The following USH2A variants were observed in gnomAD, a reference collection of about 807,000 sequenced individuals.
USH2A encodes the protein usherin.
A neutral mutation model predicts 538.9 loss-of-function variants in USH2A; 443 were observed. That is an observed-to-expected ratio of 0.82 (90% CI 0.76 to 0.89). The LOEUF is 0.89. Among genes scored for constraint, USH2A ranks in the 40% least tolerant of loss-of-function variants. The pLI is 0.00. For missense variants in USH2A, 6,633 were observed against 6,324.8 expected, an observed-to-expected ratio of 1.05 and a Z score of -1.65; for synonymous variants, 2,413 against 2,273.5, an observed-to-expected ratio of 1.06 and a Z score of -1.75.
intron 3 of USH2A, among the ~76,000 whole-genome samples, chr1:216,414,291 T>C (rs2039541152): frequency 6.6e-6 from 1 of 152,092 alleles, no homozygotes. Context: ...TTGGCAATCC[T>C]GTCAGATTCA....
intron 32 of USH2A, among the ~76,000 whole-genome samples, chr1:216,041,898 C>T (rs1571910934): frequency 6.6e-6 from 1 of 151,708 alleles, no homozygotes; most frequent in South Asian, 2.1e-4. Context: ...TCACTGCTGA[C>T]AACTTTCCTG....
chr1:215,683,216 TACACACAC>T (rs71167830), intron 61 of USH2A, among the ~76,000 whole-genome samples: 49 of 149,578 alleles, frequency 3.3e-4, no homozygotes, highest in African/African-American at 6.7e-4. Flanking sequence ...AATAGTTTTA[TACACACAC>T]ACACACACAC....
chr1:215,776,635 C>G (rs536210750), intron 55 of USH2A, among the ~76,000 whole-genome samples: 1 of 152,210 alleles, frequency 6.6e-6, no homozygotes, highest in Admixed American at 6.5e-5. Context: ...GAATGCCAAG[C>G]TTTTGGAAAT....
At position 216,293,268 on chromosome 1, in the gene USH2A, C is replaced by A. The variant is rs371003244; in HGVS notation, c.1645-898G>T. On this transcript the variant is annotated intron_variant, in intron 9 of 71. Transcript: ENST00000307340. Reference sequence around the variant, plus strand: ...CTCGATCTCCTGACCTCGTGTTCTGCCCACCTCGGCCGCCCAAAGTGCTGG... The same window carrying A: ...CTCGATCTCCTGACCTCGTGTTCTGACCACCTCGGCCGCCCAAAGTGCTGG... 7.9e-5 allele frequency among the ~76,000 whole-genome samples: 12 copies of A among 152,320 alleles called. 1 individual carries two copies. Among genetic ancestry groups the A allele is most frequent in the Admixed American group, 3.3e-4 (5 of 15,300 alleles).
chr1:215,761,633 A>C (rs1660984342), intron 56 of USH2A, among the ~76,000 whole-genome samples: 2 of 152,220 alleles, frequency 1.3e-5, no homozygotes, highest in Non-Finnish European at 2.9e-5. Context: ...AGGCAGTTCT[A>C]GGGAATGCAA....
At position 215,674,518 on chromosome 1, in the gene USH2A, T is replaced by G; in HGVS notation, c.13393A>C (p.Lys4465Gln). Reference sequence around the variant, plus strand: ...TGGCCATTTGGGTTTCTTGGAGGTTTCCAGGTGATTTCTATTGATTCTGAG... The same window carrying G: ...TGGCCATTTGGGTTTCTTGGAGGTTGCCAGGTGATTTCTATTGATTCTGAG... ...TGSESIEITWKPPRNPNGQIR... is the reference protein window; with the variant it reads ...TGSESIEITWQPPRNPNGQIR... Residue 4465 changes from lysine (K) to glutamine (Q), a missense_variant, in exon 63 of 72, where the codon AAA (lysine) becomes CAA (glutamine). Lys to Gln is a moderately conservative substitution (Grantham distance 53). Coordinates refer to ENST00000307340, the MANE Select transcript of USH2A (RefSeq NM_206933.4). 1 of 1,614,178 alleles carries G rather than the reference T, an allele frequency of 6.2e-7. No homozygotes were observed. Among genetic ancestry groups the G allele is most frequent in the Non-Finnish European group, 8.5e-7 (1 of 1,180,028 alleles).
rs554364595 is a variant in USH2A at position 216,021,472 on chromosome 1, C to T, written c.6326-20910G>A. Among the ~76,000 whole-genome samples the T allele has an allele frequency of 1.4e-4, 21 of 152,280 alleles. 1 individual carries two copies. In the South Asian group the frequency reaches 4.4e-3, roughly 32 times the overall value. On this transcript the variant is annotated intron_variant, in intron 32 of 71. Transcript: ENST00000307340. The stretch of plus-strand genomic sequence containing the variant: ...ATGAGGCCTCCACAGCCATGTGGAA[C>T]AGTGAGTCAATTAAACCTCCTTTTT...
At chr1:216,230,437 G>T (rs1475026759) in intron 14 of USH2A, among the ~76,000 whole-genome samples, 2 of 152,000 alleles carry the variant, frequency 1.3e-5, no homozygotes, top group African/African-American at 4.8e-5. Flanking sequence ...ACATTTCTAC[G>T]GTGATAGAAG....
intron 21 of USH2A, among the ~76,000 whole-genome samples, chr1:216,124,500 A>G (rs1180709117): frequency 2.6e-5 from 4 of 152,032 alleles, no homozygotes; most frequent in Non-Finnish European, 5.9e-5. Context: ...GCGGAGGGAA[A>G]CCCCTCCAGA....
At chr1:215,640,844 CAAAAAAAAA>C (rs56212994) in intron 67 of USH2A, 110 bp from the exon 68 acceptor site, 3 of 496,796 alleles carry the variant, frequency 6.0e-6, no homozygotes, top group Non-Finnish European at 9.4e-6. Flanking sequence ...CCAATCCAAA[CAAAAAAAAA>C]AAAAAAAAAG....
chr1:215,865,778 G>T (rs1664453290), intron 44 of USH2A, among the ~76,000 whole-genome samples: 1 of 152,186 alleles, frequency 6.6e-6, no homozygotes, highest in Admixed American at 6.5e-5. Context: ...CTTTTGTAAA[G>T]ATGGATTATT....
At chr1:216,368,839 C>T (rs1034817296) in intron 3 of USH2A, among the ~76,000 whole-genome samples, 1 of 152,140 alleles carries the variant, frequency 6.6e-6, no homozygotes, top group African/African-American at 2.4e-5. Context: ...GTGTGACTTG[C>T]TTTCCCAGAA....
chr1:215,762,457 A>G (rs1189052051), intron 56 of USH2A, among the ~76,000 whole-genome samples: 1 of 152,180 alleles, frequency 6.6e-6, no homozygotes, highest in African/African-American at 2.4e-5. Flanking sequence ...ACCTTTAGGT[A>G]AAAGTTGAGT....
At chr1:216,282,494 C>T (rs1016499572) in intron 11 of USH2A, among the ~76,000 whole-genome samples, 13 of 152,182 alleles carry the variant, frequency 8.5e-5, no homozygotes, top group African/African-American at 2.7e-4. Context: ...ACACTTTCTC[C>T]ACTGAACTGT....
chr1:216,045,955 C>A (rs1352080779), intron 32 of USH2A, among the ~76,000 whole-genome samples: 1 of 150,906 alleles, frequency 6.6e-6, no homozygotes, highest in African/African-American at 2.4e-5. Flanking sequence ...TAAAAATAAG[C>A]AACCCAATTT....
At chr1:216,105,945 T>C (rs892377983) in intron 21 of USH2A, among the ~76,000 whole-genome samples, 1 of 151,734 alleles carries the variant, frequency 6.6e-6, no homozygotes, top group African/African-American at 2.4e-5. Flanking sequence ...TTCTGCAATC[T>C]TTCCAAGTTC....
At chr1:216,418,266 T>C (rs2039609437) in intron 3 of USH2A, among the ~76,000 whole-genome samples, 1 of 152,134 alleles carries the variant, frequency 6.6e-6, no homozygotes, top group Non-Finnish European at 1.5e-5. Context: ...GATATTACAA[T>C]TACAGATAGC....
At chr1:216,264,601 C>A (rs1286111171) in intron 11 of USH2A, among the ~76,000 whole-genome samples, 1 of 151,990 alleles carries the variant, frequency 6.6e-6, no homozygotes, top group Non-Finnish European at 1.5e-5. Flanking sequence ...CTGAGCTAGA[C>A]AAATCAATCT....
chr1:215,683,461 T>C (rs1244860802), intron 61 of USH2A, among the ~76,000 whole-genome samples: 6 of 152,218 alleles, frequency 3.9e-5, no homozygotes, highest in Non-Finnish European at 8.8e-5. Context: ...AGTTCACTAT[T>C]TTAGAATCCT....
Sources: gnomAD v4.1 joint callset for allele counts (sites outside exome capture counted in the v4.1 genomes callset) on GRCh38, gnomAD v4.1.1 for gene constraint, MANE v1.5 for transcripts, NCBI Gene and HGNC (gene_info 2026-07-23, HGNC 2026-07-21) for gene names.